Variants in TRERF1 observed in about 807,000 individuals in gnomAD.
The protein encoded by TRERF1 is transcriptional regulating factor 1, also known as transcriptional-regulating factor 1.
TRERF1 carries 27 observed loss-of-function variants against 122.9 expected under a neutral mutation model. The ratio of observed to expected loss-of-function variants is 0.22; its 90% CI spans 0.16 to 0.30. The LOEUF is 0.30. Ranked by LOEUF, TRERF1 falls within the 10% of genes least tolerant of loss-of-function variation. TRERF1 has a pLI of 1.00. For missense variants in TRERF1, 1,248 were observed against 1,560.3 expected (o/e 0.80, Z 3.37); for synonymous variants, 636 against 641.7 (o/e 0.99, Z 0.13).
Position 42,389,728 on chromosome 6 carries a change from T to C in TRERF1, c.-453-26649A>G, listed in dbSNP as rs961413034. Among the ~76,000 whole-genome samples the C allele has an allele frequency of 3.3e-5, 5 of 152,318 alleles. No homozygotes were observed. In the East Asian group the frequency reaches 7.7e-4, roughly 23 times the overall value. On this transcript the variant is annotated intron_variant, in intron 2 of 17. Coordinates refer to ENST00000372922, the Ensembl canonical transcript of TRERF1. ...TTCAGGTGAAGCCCACACAAACACA[T>C]AGCTCTTATCATTAGCACAGCTATT...
Position 42,360,770 on chromosome 6 carries a change from TTAAAAAAAAA to T in TRERF1, c.-371+2217_-371+2226del, listed in dbSNP as rs1260532126. On this transcript the variant is annotated intron_variant, in intron 3 of 17. Transcript: ENST00000372922. ...ACCCAGGGAGGAAGGAGTGGAGAGA[TTAAAAAAAAA>T]AAAAAAAAAAAAAAAAAAAAAACCT... Among the ~76,000 whole-genome samples the T allele has an allele frequency of 1.9e-3, 120 of 64,096 alleles. 1 individual carries two copies. Among genetic ancestry groups the T allele is most frequent in the African/African-American group, 5.2e-3 (113 of 21,630 alleles). 42.0% of individuals were successfully genotyped at this position (64,096 alleles called of 152,430 possible). A position where few individuals can be genotyped will look rare whatever the true frequency, so the allele number is the denominator to read the frequency against.
chr6:42,442,045 C>A (rs1386435952), intron 2 of TRERF1, among the ~76,000 whole-genome samples: 2 of 152,160 alleles, frequency 1.3e-5, no homozygotes, highest in Non-Finnish European at 2.9e-5. Flanking sequence ...TCCTTACTTA[C>A]TGTGGCTCCC....
intron 4 of TRERF1, among the ~76,000 whole-genome samples, chr6:42,272,818 C>T (rs555749636): frequency 2.0e-5 from 3 of 152,328 alleles, no homozygotes; most frequent in Admixed American, 6.5e-5. Context: ...CCTTTGATAG[C>T]CTCATCCACC....
intron 2 of TRERF1, among the ~76,000 whole-genome samples, chr6:42,369,041 A>G (rs1159422895): frequency 6.6e-6 from 1 of 152,180 alleles, no homozygotes; most frequent in Non-Finnish European, 1.5e-5. Flanking sequence ...TGACACATTC[A>G]GTCTGGAGTG....
rs1261943807 is a variant in TRERF1 at position 42,259,271 on chromosome 6, G to T, written c.2269+68C>A. ...CTGTGGGATAAATGAGAAAGCTAAA[G>T]AAAACGAGATGTCCCAGGACTTTAC... On this transcript the variant is annotated intron_variant, in intron 9 of 17. Coordinates refer to ENST00000372922, the Ensembl canonical transcript of TRERF1. This position sits in a 1 kb window ranked among gnomAD's most constrained non-coding sequence, Gnocchi z 4.9. 6.9e-7 allele frequency: 1 copy of T among 1,451,872 alleles called. No individual in the cohort carries two copies. Among genetic ancestry groups the T allele is most frequent in the Non-Finnish European group, 9.0e-7 (1 of 1,109,506 alleles). The allele number at this position is 1,451,872 out of a possible 1,614,324, so 89.9% of individuals were successfully genotyped here. A position where few individuals can be genotyped will look rare whatever the true frequency, so the allele number is the denominator to read the frequency against.
chr6:42,382,536 AGT>A (rs1776119908), intron 2 of TRERF1, among the ~76,000 whole-genome samples: 1 of 151,946 alleles, frequency 6.6e-6, no homozygotes, highest in Non-Finnish European at 1.5e-5. Flanking sequence ...TTTTAAAAAC[AGT>A]GTGCTGGTTG....
intron 2 of TRERF1, among the ~76,000 whole-genome samples, chr6:42,443,929 C>T (rs2151799305): frequency 6.6e-6 from 1 of 152,286 alleles, no homozygotes; most frequent in Admixed American, 6.5e-5. Flanking sequence ...ACTTTCCATA[C>T]ATGATCTGAT....
intron 3 of TRERF1, among the ~76,000 whole-genome samples, chr6:42,350,614 G>A (rs566985846): frequency 6.6e-6 from 1 of 152,084 alleles, no homozygotes; most frequent in South Asian, 2.1e-4. Context: ...TCTTGATGAC[G>A]AGTTTAAACC....
intron 2 of TRERF1, among the ~76,000 whole-genome samples, chr6:42,386,317 G>A (rs1321193209): frequency 6.6e-6 from 1 of 152,210 alleles, no homozygotes; most frequent in Non-Finnish European, 1.5e-5. Flanking sequence ...GGTGGCAGGT[G>A]CCTGTAGTCC....
Position 42,421,004 on chromosome 6 carries a change from A to G in TRERF1, c.-454+30173T>C, listed in dbSNP as rs984764316. Among the ~76,000 whole-genome samples, 7 of 152,332 alleles carry G rather than the reference A, an allele frequency of 4.6e-5. 1 individual carries two copies. The South Asian group carries it at 1.4e-3, about 32-fold the overall frequency. The stretch of plus-strand genomic sequence containing the variant: ...TTCTTCCTACAGTAGAAGGTAGTGA[A>G]TATGCACAGGCTTTTGAGAAAGCTG... On this transcript the variant is annotated intron_variant, in intron 2 of 17. Transcript: ENST00000372922.
At chr6:42,346,851 G>A (rs1768388242) in intron 3 of TRERF1, among the ~76,000 whole-genome samples, 3 of 152,050 alleles carry the variant, frequency 2.0e-5, no homozygotes, top group Admixed American at 2.0e-4. Context: ...GTCATTGCTC[G>A]TTAGCACCCC....
rs1011528099 is a variant in TRERF1 at position 42,276,878 on chromosome 6, C to T, written c.-258-7030G>A. The stretch of plus-strand genomic sequence containing the variant: ...GTAGCATCAGTTGCTCCCTCCAAGC[C>T]CTGGGGATCAGTAGGAAGCCCGACG... On this transcript the variant is annotated intron_variant, in intron 4 of 17. Transcript: ENST00000372922. This position sits in a 1 kb window ranked among gnomAD's most constrained non-coding sequence, Gnocchi z 4.3. Among the ~76,000 whole-genome samples, 4 of 152,126 alleles carry T rather than the reference C, an allele frequency of 2.6e-5. No individual in the cohort carries two copies. Among genetic ancestry groups the T allele is most frequent in the Admixed American group, 6.6e-5 (1 of 15,266 alleles).
At chr6:42,377,062 C>T (rs1257700425) in intron 2 of TRERF1, among the ~76,000 whole-genome samples, 1 of 151,550 alleles carries the variant, frequency 6.6e-6, no homozygotes, top group African/African-American at 2.4e-5. Context: ...GACGGGGTTT[C>T]ACCACGTCAG....
chr6:42,406,394 T>C (rs1460076188), intron 2 of TRERF1, among the ~76,000 whole-genome samples: 1 of 152,174 alleles, frequency 6.6e-6, no homozygotes, highest in African/African-American at 2.4e-5. Flanking sequence ...ATGACTCCTC[T>C]TGTTGAAAGG....
At chr6:42,254,682 T>C (rs1186224221) in intron 13 of TRERF1, among the ~76,000 whole-genome samples, 169 bp downstream of exon 13, 1 of 152,142 alleles carries the variant, frequency 6.6e-6, no homozygotes, top group African/African-American at 2.4e-5. Context: ...AACAGACAAA[T>C]GCCAACAGAG....
At chr6:42,386,301 G>A (rs1285061214) in intron 2 of TRERF1, among the ~76,000 whole-genome samples, 1 of 152,194 alleles carries the variant, frequency 6.6e-6, no homozygotes, top group Admixed American at 6.5e-5. Flanking sequence ...GACTAGTAAA[G>A]TGCCTGGTGG....
chr6:42,403,544 T>C (rs1443680992), intron 2 of TRERF1, among the ~76,000 whole-genome samples: 1 of 152,172 alleles, frequency 6.6e-6, no homozygotes, highest in African/African-American at 2.4e-5. Flanking sequence ...TCAGAACCCC[T>C]GGACGGAACC....
At chr6:42,434,659 C>T (rs1030503303) in intron 2 of TRERF1, among the ~76,000 whole-genome samples, 1 of 123,468 alleles carries the variant, frequency 8.1e-6, no homozygotes, top group Non-Finnish European at 1.7e-5. Flanking sequence ...CACCAGCAGA[C>T]ACCCTCCACC....
At chr6:42,271,792 T>C (rs559961675) in intron 4 of TRERF1, among the ~76,000 whole-genome samples, 1 of 152,162 alleles carries the variant, frequency 6.6e-6, no homozygotes, top group African/African-American at 2.4e-5. Flanking sequence ...TTTAGGAAAT[T>C]AAAAAAGTTT....
Sources: gnomAD v4.1 joint callset for allele counts (sites outside exome capture counted in the v4.1 genomes callset) on GRCh38, gnomAD v4.1.1 for gene constraint, Gnocchi (gnomAD v3.1) non-coding constraint, MANE v1.5 for transcripts, NCBI Gene and HGNC (gene_info 2026-07-23, HGNC 2026-07-21) for gene names.